Variants in CBFA2T2 observed in about 807,000 individuals in gnomAD.
CBFA2T2 encodes the protein protein CBFA2T2.
CBFA2T2 carries 11 observed loss-of-function variants against 62.2 expected under a neutral mutation model. The ratio of observed to expected loss-of-function variants is 0.18; its 90% CI spans 0.11 to 0.29. The LOEUF (loss-of-function observed/expected upper bound fraction) is 0.29, where lower values mean the gene tolerates loss of function less well. Among genes scored for constraint, CBFA2T2 ranks in the 10% least tolerant of loss-of-function variants. The pLI, the probability that CBFA2T2 is intolerant of heterozygous loss-of-function variation, is 1.00. For synonymous variants in CBFA2T2, 295 were observed against 287.5 expected (o/e 1.03, Z -0.27); for missense variants, 592 against 774.1 (o/e 0.76, Z 2.79).
In CBFA2T2 at chr20:33,648,184, A is replaced by C. The variant is rs1401239855; in HGVS notation, c.*3538A>C. 5 of 152,382 alleles carry C rather than the reference A, an allele frequency of 3.3e-5. No individual in the cohort carries two copies. In the East Asian group the frequency reaches 9.7e-4, roughly 29 times the overall value. The allele number at this position is 152,382 out of a possible 1,614,324, so 9.4% of individuals were successfully genotyped here. A position where few individuals can be genotyped will look rare whatever the true frequency, so the allele number is the denominator to read the frequency against. On this transcript the variant is annotated 3_prime_UTR_variant, in exon 11 of 11. Transcript: ENST00000342704. ...ACATAAAAGGCAAAGAGGAGCTGGC[A>C]TGGTGGTACAGAAGGTATCAGTCAA...
intron 1 of CBFA2T2, among the ~76,000 whole-genome samples, chr20:33,545,020 C>CAGAACAGAACAGAAT (rs1555833677): frequency 8.3e-5 from 12 of 143,838 alleles, no homozygotes; most frequent in African/African-American, 2.9e-4. Context: ...TAGAACAGAA[C>CAGAACAGAACAGAAT]AGAATGCAAG....
At chr20:33,627,091 T>C (rs1429195694) in intron 6 of CBFA2T2, among the ~76,000 whole-genome samples, 1 of 152,142 alleles carries the variant, frequency 6.6e-6, no homozygotes, top group East Asian at 1.9e-4. Flanking sequence ...GCCTCTCTTT[T>C]ATCTATTAAA....
chr20:33,525,559 C>T (rs897340214), intron 1 of CBFA2T2, among the ~76,000 whole-genome samples: 10 of 152,104 alleles, frequency 6.6e-5, no homozygotes, highest in African/African-American at 2.2e-4. Context: ...CATCACTGCA[C>T]ACAGTGCAGT....
intron 1 of CBFA2T2, among the ~76,000 whole-genome samples, chr20:33,502,507 C>T (rs1240308771): frequency 1.3e-5 from 2 of 151,832 alleles, no homozygotes; most frequent in Admixed American, 6.6e-5. Flanking sequence ...CCCGGGTTCA[C>T]GCCATTCTGC....
Position 33,514,206 on chromosome 20 carries a change from GTTTTT to G in CBFA2T2, c.34+23927_34+23931del, listed in dbSNP as rs1196003433. On this transcript the variant is annotated intron_variant, in intron 1 of 10. Transcript: ENST00000342704. ...GCGTGAGCCACCGTGCCCTGCCTTT[GTTTTT>G]TTTTTTTTTTTTTTTTTTTTTGAGA... is the stretch of plus-strand genomic sequence containing the variant. 2.8e-4 allele frequency among the ~76,000 whole-genome samples: 15 copies of G among 53,348 alleles called. 1 individual carries two copies. The East Asian group carries it at 4.8e-3, about 17-fold the overall frequency. 35.0% of individuals were successfully genotyped at this position (53,348 alleles called of 152,430 possible).
rs76476385 is a variant in CBFA2T2 at position 33,617,194 on chromosome 20, A to G, written c.421-2323A>G. Reference sequence around the variant, plus strand: ...GGTTGCAGTGAGCTATAATCATGCTACTGCACTCCAGCCTAAGTGACAGAG... The same window carrying G: ...GGTTGCAGTGAGCTATAATCATGCTGCTGCACTCCAGCCTAAGTGACAGAG... On this transcript the variant is annotated intron_variant, in intron 3 of 10. Coordinates refer to ENST00000342704, the MANE Select transcript of CBFA2T2 (RefSeq NM_001032999.3). 1.1e-3 allele frequency among the ~76,000 whole-genome samples: 167 copies of G among 152,244 alleles called. 3 individuals carry two copies. The East Asian group carries it at 0.031, about 29-fold the overall frequency.
At chr20:33,551,878 C>T (rs1315974695) in intron 1 of CBFA2T2, among the ~76,000 whole-genome samples, 1 of 151,996 alleles carries the variant, frequency 6.6e-6, no homozygotes, top group Non-Finnish European at 1.5e-5. Context: ...AAGTTTAATT[C>T]TTGATTTTTT....
chr20:33,552,075 G>GT (rs57034549), intron 1 of CBFA2T2, among the ~76,000 whole-genome samples: 11,945 of 136,756 alleles, frequency 0.087, 1,202 homozygotes, highest in African/African-American at 0.23. Flanking sequence ...TGCTTCCCTG[G>GT]TTTTTTTTTT....
At position 33,644,906 on chromosome 20, in the gene CBFA2T2, T is replaced by C. The variant is rs1601130338; in HGVS notation, c.*260T>C. On this transcript the variant is annotated 3_prime_UTR_variant, in exon 11 of 11. Coordinates refer to ENST00000342704, the MANE Select transcript of CBFA2T2 (RefSeq NM_001032999.3). ...ATGGCTTTCCTGGTTTGTTCCTCTC[T>C]CCACTGAAGCTGACTTAGCCGGCCC... The C allele has an allele frequency of 6.3e-6, 3 of 473,680 alleles. No individual in the cohort carries two copies. The highest frequency in any genetic ancestry group is 7.1e-5 in the East Asian group (2 of 28,022). 29.3% of individuals were successfully genotyped at this position (473,680 alleles called of 1,614,324 possible). A position where few individuals can be genotyped will look rare whatever the true frequency, so the allele number is the denominator to read the frequency against.
intron 1 of CBFA2T2, among the ~76,000 whole-genome samples, chr20:33,494,471 C>T (rs950162844): frequency 1.3e-5 from 2 of 149,082 alleles, no homozygotes; most frequent in Admixed American, 6.7e-5. Flanking sequence ...TTGGTAGAGG[C>T]GGGGTTTCAC....
At chr20:33,495,980 A>G (rs1290400072) in intron 1 of CBFA2T2, among the ~76,000 whole-genome samples, 1 of 152,186 alleles carries the variant, frequency 6.6e-6, no homozygotes, top group Admixed American at 6.6e-5. Flanking sequence ...GGCTGAGGGT[A>G]TACCATCTGA....
intron 1 of CBFA2T2, chr20:33,562,383 AGACT>A (rs1402504629): frequency 1.0e-6 from 1 of 985,876 alleles, no homozygotes; most frequent in African/African-American, 1.7e-5. Flanking sequence ...AAAAAGAGAG[AGACT>A]GACTGTATCT....
At chr20:33,513,779 G>A (rs1333240006) in intron 1 of CBFA2T2, among the ~76,000 whole-genome samples, 3 of 136,524 alleles carry the variant, frequency 2.2e-5, no homozygotes, top group African/African-American at 8.2e-5. Flanking sequence ...GCGCAACTGC[G>A]CTACTGGCCG....
At chr20:33,621,799 C>T (rs1020802927) in intron 4 of CBFA2T2, among the ~76,000 whole-genome samples, 2 of 152,174 alleles carry the variant, frequency 1.3e-5, no homozygotes, top group Non-Finnish European at 1.5e-5. Flanking sequence ...GAAAATGCAT[C>T]GGTCTAAGGT....
At chr20:33,532,570 G>A (rs2012093295) in intron 1 of CBFA2T2, among the ~76,000 whole-genome samples, 3 of 152,222 alleles carry the variant, frequency 2.0e-5, no homozygotes, top group Admixed American at 2.0e-4. Context: ...GCTAAACTGT[G>A]TGTCTCTTTG....
intron 4 of CBFA2T2, among the ~76,000 whole-genome samples, chr20:33,621,037 C>T (rs1391990618): frequency 7.9e-5 from 12 of 152,120 alleles, no homozygotes; most frequent in Non-Finnish European, 8.8e-5. Context: ...ATTTTGTTGT[C>T]ACGTCTCTTT....
At chr20:33,493,447 C>T (rs1192033072) in intron 1 of CBFA2T2, among the ~76,000 whole-genome samples, 1 of 152,178 alleles carries the variant, frequency 6.6e-6, no homozygotes, top group East Asian at 1.9e-4. Context: ...GGTGCTTCAA[C>T]CCCTGAGCCA....
intron 1 of CBFA2T2, among the ~76,000 whole-genome samples, chr20:33,547,686 AATGTGTGT>A (rs946941436): frequency 9.3e-6 from 1 of 106,978 alleles, no homozygotes. Context: ...GTCTCAAAAA[AATGTGTGT>A]GTGTGTGTGT....
chr20:33,643,754 T>C (rs1189544522), intron 10 of CBFA2T2, among the ~76,000 whole-genome samples: 90 of 320 alleles, frequency 0.28, 1 homozygote, highest in African/African-American at 0.39. Flanking sequence ...TCATCTCTAC[T>C]ATATATATAT....
Sources: allele counts gnomAD v4.1 joint callset (sites outside exome capture counted in the v4.1 genomes callset), GRCh38; gene constraint gnomAD v4.1.1; transcripts MANE v1.5; gene names NCBI Gene and HGNC (gene_info 2026-07-23, HGNC 2026-07-21).